Variants in LDLRAD4 observed in about 807,000 individuals in gnomAD.
LDLRAD4 encodes low density lipoprotein receptor class A domain containing 4.
In LDLRAD4, 5 loss-of-function variants were observed where a neutral mutation model predicts 17.0. That is an observed-to-expected ratio of 0.29 (90% CI 0.15 to 0.62). LDLRAD4 has a LOEUF of 0.62. Among genes scored for constraint, LDLRAD4 ranks in the 20% least tolerant of loss-of-function variants. The probability of loss-of-function intolerance (pLI) is 0.84; values close to 1 mark genes in which losing one functional copy is unlikely to be tolerated. For missense variants in LDLRAD4, 340 were observed against 424.7 expected (o/e 0.80, Z 1.75); for synonymous variants, 168 against 171.8 (o/e 0.98, Z 0.17).
intron 1 of LDLRAD4, among the ~76,000 whole-genome samples, chr18:13,238,619 G>A (rs549218205): frequency 7.9e-5 from 12 of 152,330 alleles, no homozygotes; most frequent in South Asian, 2.1e-4. Context: ...GCCAGAGGGC[G>A]TGGACTGCAG....
At chr18:13,597,894 G>T (rs1266056728) in intron 3 of LDLRAD4, among the ~76,000 whole-genome samples, 1 of 151,972 alleles carries the variant, frequency 6.6e-6, no homozygotes, top group East Asian at 1.9e-4. Flanking sequence ...TTTCTTTATT[G>T]ATATTCTCTG....
chr18:13,331,521 G>A (rs1026214071), intron 1 of LDLRAD4, among the ~76,000 whole-genome samples: 3 of 152,226 alleles, frequency 2.0e-5, no homozygotes, highest in South Asian at 2.1e-4. Context: ...CTCCAGTGCA[G>A]CGTTAAAATA....
intron 2 of LDLRAD4, among the ~76,000 whole-genome samples, chr18:13,437,719 A>C (rs1449745497): frequency 6.6e-6 from 1 of 152,212 alleles, no homozygotes; most frequent in Non-Finnish European, 1.5e-5. Context: ...AGAGGAATGA[A>C]CATCAGAGAG....
At chr18:13,307,650 C>G (rs2046991907) in intron 1 of LDLRAD4, among the ~76,000 whole-genome samples, 1 of 152,266 alleles carries the variant, frequency 6.6e-6, no homozygotes, top group South Asian at 2.1e-4. Flanking sequence ...AACTCCTGGC[C>G]TCAAGTGATC....
intron 4 of LDLRAD4, among the ~76,000 whole-genome samples, chr18:13,624,222 C>T (rs2040914614): frequency 6.6e-6 from 1 of 152,090 alleles, no homozygotes; most frequent in African/African-American, 2.4e-5. Context: ...GGGCACTTCA[C>T]TGTAAAAGAG....
chr18:13,590,051 A>T (rs1167884992), intron 3 of LDLRAD4, among the ~76,000 whole-genome samples: 1 of 143,108 alleles, frequency 7.0e-6, no homozygotes, highest in Non-Finnish European at 1.5e-5. Flanking sequence ...GTGAGTGTGC[A>T]TGTGTGTGAC....
chr18:13,476,112 C>T (rs887031357), intron 3 of LDLRAD4, among the ~76,000 whole-genome samples: 3 of 152,030 alleles, frequency 2.0e-5, no homozygotes, highest in Non-Finnish European at 2.9e-5. Flanking sequence ...ATTTAAAACT[C>T]GGTATGTTGG....
At chr18:13,357,454 C>CTGT (rs1372693380) in intron 1 of LDLRAD4, among the ~76,000 whole-genome samples, 1 of 152,004 alleles carries the variant, frequency 6.6e-6, no homozygotes, top group Non-Finnish European at 1.5e-5. Flanking sequence ...GACACTGGAC[C>CTGT]TGTTGGCTCT....
chr18:13,611,378 A>T (rs2039540922), intron 3 of LDLRAD4: 1 of 730,822 alleles, frequency 1.4e-6, no homozygotes, highest in Admixed American at 6.3e-5. Context: ...CAGCGTTACC[A>T]TGGCAGGCTG....
chr18:13,353,745 A>C (rs2083176949), intron 1 of LDLRAD4, among the ~76,000 whole-genome samples: 1 of 152,246 alleles, frequency 6.6e-6, no homozygotes, highest in African/African-American at 2.4e-5. Flanking sequence ...TGCCTCCTCC[A>C]GCCCAAGGCT....
At chr18:13,613,259 G>A (rs1033480842) in intron 3 of LDLRAD4, 1 of 153,214 alleles carries the variant, frequency 6.5e-6, no homozygotes, top group African/African-American at 2.4e-5. Flanking sequence ...CTGTGACTCT[G>A]AGAGATAGAG....
chr18:13,352,188 CT>C (rs1485767769), intron 1 of LDLRAD4, among the ~76,000 whole-genome samples: 1 of 152,204 alleles, frequency 6.6e-6, no homozygotes, highest in Non-Finnish European at 1.5e-5. Flanking sequence ...GAAGCATTCC[CT>C]TTGAAAACCA....
chr18:13,589,334 T>G (rs2094978074), intron 3 of LDLRAD4, among the ~76,000 whole-genome samples: 1 of 152,184 alleles, frequency 6.6e-6, no homozygotes, highest in Non-Finnish European at 1.5e-5. Flanking sequence ...GCCTTTTCTG[T>G]GTGGGCTCTT....
intron 1 of LDLRAD4, among the ~76,000 whole-genome samples, chr18:13,358,176 A>G (rs533663304): frequency 7.6e-4 from 115 of 152,280 alleles, no homozygotes; most frequent in Non-Finnish European, 1.3e-3. Flanking sequence ...TTTCAAGAGC[A>G]TGGTCTGTAT....
At chr18:13,233,535 G>C (rs2042187044) in intron 1 of LDLRAD4, among the ~76,000 whole-genome samples, 2 of 152,138 alleles carry the variant, frequency 1.3e-5, no homozygotes, top group Non-Finnish European at 2.9e-5. Flanking sequence ...CTGTTTTATG[G>C]AAACCTTCTC....
intron 2 of LDLRAD4, chr18:13,426,152 T>C (rs2089917081): frequency 6.6e-6 from 1 of 152,546 alleles, no homozygotes; most frequent in African/African-American, 2.4e-5. Context: ...TTTTGGAAGG[T>C]AGGGGATTTT....
At chr18:13,510,632 C>G (rs1161173554) in intron 3 of LDLRAD4, among the ~76,000 whole-genome samples, 1 of 152,124 alleles carries the variant, frequency 6.6e-6, no homozygotes. Context: ...AGAACCCACC[C>G]AAGTGATTAA....
At chr18:13,444,776 T>A (rs1165419357) in intron 3 of LDLRAD4, among the ~76,000 whole-genome samples, 2 of 152,212 alleles carry the variant, frequency 1.3e-5, no homozygotes, top group Admixed American at 6.5e-5. Flanking sequence ...CTGTAAATAT[T>A]TGCTGAGTGT....
At chr18:13,543,343 C>T (rs866144372) in intron 3 of LDLRAD4, 4 of 152,252 alleles carry the variant, frequency 2.6e-5, no homozygotes, top group African/African-American at 9.6e-5. Flanking sequence ...TGCACCCACA[C>T]ATGCGAGCCT....
Sources: gnomAD v4.1 joint callset for allele counts (sites outside exome capture counted in the v4.1 genomes callset) on GRCh38, gnomAD v4.1.1 for gene constraint, MANE v1.5 for transcripts, NCBI Gene and HGNC (gene_info 2026-07-23, HGNC 2026-07-21) for gene names.